ZNF367: variants seen among roughly 807,000 people sequenced by gnomAD.
The protein encoded by ZNF367 is C2H2 zinc finger protein ZFF29.
ZNF367 carries 11 observed loss-of-function variants against 31.8 expected under a neutral mutation model. The observed-to-expected ratio is 0.35, with a 90% CI of 0.22 to 0.57. The LOEUF (loss-of-function observed/expected upper bound fraction) is 0.57, where lower values mean the gene tolerates loss of function less well. Among genes scored for constraint, ZNF367 ranks in the 20% least tolerant of loss-of-function variants. ZNF367 has a pLI of 0.85. For synonymous variants in ZNF367, 199 were observed against 202.4 expected (o/e 0.98, Z 0.14); for missense variants, 353 against 484.1 (o/e 0.73, Z 2.54).
chr9:96,399,147 C>T (rs944336479), intron 1 of ZNF367, among the ~76,000 whole-genome samples: 2 of 151,948 alleles, frequency 1.3e-5, no homozygotes, highest in African/African-American at 4.8e-5. Flanking sequence ...CATATATGCC[C>T]AGGGCAGGAA....
At chr9:96,400,499 A>G (rs1040630089) in intron 1 of ZNF367, among the ~76,000 whole-genome samples, 3 of 152,014 alleles carry the variant, frequency 2.0e-5, no homozygotes, top group African/African-American at 7.2e-5. Context: ...AGAAATTATA[A>G]AAAAGAATCA....
chr9:96,400,116 C>T (rs1214674025), intron 1 of ZNF367, among the ~76,000 whole-genome samples: 1 of 152,094 alleles, frequency 6.6e-6, no homozygotes. Context: ...GAAGAACAGA[C>T]ACTGGACTTA....
At chr9:96,404,030 C>T (rs1831640814) in intron 1 of ZNF367, among the ~76,000 whole-genome samples, 1 of 151,334 alleles carries the variant, frequency 6.6e-6, no homozygotes, top group African/African-American at 2.4e-5. Flanking sequence ...CTCATTTCTA[C>T]CAAAAATACA....
At chr9:96,397,830 G>A (rs10283771) in intron 2 of ZNF367, among the ~76,000 whole-genome samples, 3 of 151,846 alleles carry the variant, frequency 2.0e-5, no homozygotes, top group Non-Finnish European at 2.9e-5. Flanking sequence ...GGTGGCTCAC[G>A]CCTGTAATCC....
At chr9:96,412,575 T>G (rs1831764050) in intron 1 of ZNF367, among the ~76,000 whole-genome samples, 1 of 152,230 alleles carries the variant, frequency 6.6e-6, no homozygotes, top group African/African-American at 2.4e-5. Flanking sequence ...CATCCTGACC[T>G]ATCTTCACAA....
intron 1 of ZNF367, among the ~76,000 whole-genome samples, chr9:96,402,619 ATTTTTTT>A (rs61651699): frequency 1.2e-3 from 86 of 70,202 alleles, no homozygotes; most frequent in Non-Finnish European, 1.7e-3. Flanking sequence ...CGCCTGGCTA[ATTTTTTT>A]TTTTTTTTTT....
intron 4 of ZNF367, 69 bp from the exon 5 acceptor site, chr9:96,388,528 A>G (rs1480300295): frequency 1.4e-5 from 20 of 1,399,762 alleles, no homozygotes; most frequent in Non-Finnish European, 2.0e-5. Flanking sequence ...TTTTCTTTTA[A>G]AAAGTTCCAT....
rs138330445 is a variant in ZNF367 at position 96,392,125 on chromosome 9, AT to A, written c.830+272del. ...TCATGACGAATGAAATACAATACAT[AT>A]AAAACATTTTTTCAAAATAGGAAAA... is the stretch of plus-strand genomic sequence containing the variant. On this transcript the variant is annotated intron_variant, in intron 4 of 4. Coordinates refer to ENST00000375256, the MANE Select transcript of ZNF367 (RefSeq NM_153695.4). Among the ~76,000 whole-genome samples, 369 of 152,328 alleles carry A rather than the reference AT, an allele frequency of 2.4e-3. 1 individual carries two copies. Among genetic ancestry groups the A allele is most frequent in the African/African-American group, 8.4e-3 (349 of 41,570 alleles).
At chr9:96,396,090 G>A (rs1294838769) in intron 2 of ZNF367, among the ~76,000 whole-genome samples, 1 of 152,012 alleles carries the variant, frequency 6.6e-6, no homozygotes, top group Non-Finnish European at 1.5e-5. Flanking sequence ...ATGCTAATAG[G>A]GCTCAACTAT....
In ZNF367 at chr9:96,387,460, C is replaced by G. The variant is rs1831418100; in HGVS notation, c.*777G>C. ...TTAAAATTACCAATTACTATGTTAC[C>G]TAGACTTTGCAAGATTAATCACTCA... On this transcript the variant is annotated 3_prime_UTR_variant, in exon 5 of 5. Transcript: ENST00000375256. 6.6e-6 allele frequency: 1 copy of G among 152,084 alleles called. No homozygotes were observed. Among genetic ancestry groups the G allele is most frequent in the Non-Finnish European group, 1.5e-5 (1 of 68,014 alleles). 9.4% of individuals were successfully genotyped at this position (152,084 alleles called of 1,614,324 possible).
intron 3 of ZNF367, among the ~76,000 whole-genome samples, chr9:96,393,637 G>A (rs1831497233): frequency 6.6e-6 from 1 of 152,156 alleles, no homozygotes; most frequent in Non-Finnish European, 1.5e-5. Flanking sequence ...TTCAAGACCA[G>A]CCTGACCAAC....
At chr9:96,388,543 C>T (rs1831431786) in intron 4 of ZNF367, 84 bp from the exon 5 acceptor site, 1 of 1,209,366 alleles carries the variant, frequency 8.3e-7, no homozygotes, top group Non-Finnish European at 1.2e-6. Flanking sequence ...TTCCATACCA[C>T]AATATTACTT....
rs1383047954 is a variant in ZNF367 at position 96,418,011 on chromosome 9, G to A, written c.22C>T (p.Pro8Ser). The A allele has an allele frequency of 1.4e-6, 2 of 1,388,832 alleles. No homozygotes were observed. The highest frequency in any genetic ancestry group is 1.6e-5 in the South Asian group (1 of 62,564). 86.0% of individuals were successfully genotyped at this position (1,388,832 alleles called of 1,614,324 possible). ...GGCGGCGGCGGGTTCTCCGCCATGG[G>A]CGCCTCGAAGCCCCGGATCATCGCC... is the stretch of plus-strand genomic sequence containing the variant. Reference protein sequence around the residue: MIRGFEAPMAENPPPPPP... With the variant: MIRGFEASMAENPPPPPP... Residue 8 changes from proline (P) to serine (S), a missense_variant, in exon 1 of 5, where the codon CCC becomes TCC. Pro to Ser is a moderately conservative substitution (Grantham distance 74, BLOSUM62 -1). Around this residue, in one of 5 missense-constraint regions of ZNF367, gnomAD observed 94 missense variants for 86.7 expected, o/e 1.08. Transcript: ENST00000375256.
At chr9:96,414,894 T>A (rs77926370) in intron 1 of ZNF367, among the ~76,000 whole-genome samples, 2,132 of 152,274 alleles carry the variant, frequency 0.014, 48 homozygotes, top group African/African-American at 0.048. Flanking sequence ...CAGAACTAGA[T>A]TAATCTATAA....
Position 96,417,955 on chromosome 9 carries a change from G to A in ZNF367, c.78C>T (p.Ser26=), listed in dbSNP as rs770721618. 4.0e-6 allele frequency: 6 copies of A among 1,496,948 alleles called. No individual in the cohort carries two copies. The African/African-American group carries it at 4.4e-5, about 11-fold the overall frequency. 92.7% of individuals were successfully genotyped at this position (1,496,948 alleles called of 1,614,324 possible). A position where few individuals can be genotyped will look rare whatever the true frequency, so the allele number is the denominator to read the frequency against. ...TGACCGACACCAGCACCCGCTTCGG[G>A]GAGTCGTGGCAGAAGATGACGGGCG... ...PPPPVIFCHD[S]PKRVLVSVIR... Residue 26 remains serine, a synonymous_variant, in exon 1 of 5, where the codon TCC becomes TCT. Coordinates refer to ENST00000375256, the MANE Select transcript of ZNF367 (RefSeq NM_153695.4). This position sits in a 1 kb window ranked among gnomAD's most constrained non-coding sequence, Gnocchi z 5.0.
intron 2 of ZNF367, 103 bp from the exon 3 acceptor site, chr9:96,395,045 C>T: frequency 7.7e-7 from 1 of 1,290,406 alleles, no homozygotes; most frequent in Non-Finnish European, 1.1e-6. Context: ...CTCCCAATAA[C>T]AATAAAACAT....
chr9:96,400,440 A>G (rs1831588565), intron 1 of ZNF367, among the ~76,000 whole-genome samples: 1 of 151,652 alleles, frequency 6.6e-6, no homozygotes, highest in Admixed American at 6.6e-5. Context: ...AAGAATGACA[A>G]GAAACCAGGA....
At chr9:96,396,811 G>C (rs1383126749) in intron 2 of ZNF367, among the ~76,000 whole-genome samples, 1 of 151,982 alleles carries the variant, frequency 6.6e-6, no homozygotes, top group African/African-American at 2.4e-5. Flanking sequence ...GAGATTACAG[G>C]AATGTGCCAC....
chr9:96,388,290 C>T lies in ZNF367; in HGVS notation c.1000G>A (p.Ala334Thr). 6.2e-7 allele frequency: 1 copy of T among 1,612,210 alleles called. No homozygotes were observed. Among genetic ancestry groups the T allele is most frequent in the East Asian group, 2.2e-5 (1 of 44,886 alleles). Residue 334 changes from alanine to threonine, a missense_variant, in exon 5 of 5, where the codon GCC (alanine) becomes ACC (threonine). Ala to Thr is a moderately conservative substitution (Grantham distance 58). This residue lies in a region of ZNF367 where 101 missense variants were observed against 140.0 expected (regional missense o/e 0.72). Coordinates refer to ENST00000375256, the MANE Select transcript of ZNF367 (RefSeq NM_153695.4). ...LQEQRERLHG[A>T]LALIELANLT... ...TTGGCAAGCTCTATGAGCGCGAGGGCTCCATGCAGGCGCTCCCGCTGCTCC... is the reference window on the plus strand; with the variant it reads ...TTGGCAAGCTCTATGAGCGCGAGGGTTCCATGCAGGCGCTCCCGCTGCTCC...
Sources: gnomAD v4.1 joint callset for allele counts (sites outside exome capture counted in the v4.1 genomes callset) on GRCh38, gnomAD v4.1.1 for gene constraint, gnomAD v4.1.1 regional missense constraint, Gnocchi (gnomAD v3.1) non-coding constraint, MANE v1.5 for transcripts, NCBI Gene and HGNC (gene_info 2026-07-23, HGNC 2026-07-21) for gene names.